Variants in GRIK3 observed in about 807,000 individuals in gnomAD.
GRIK3 encodes the protein glutamate ionotropic receptor kainate type subunit 3.
A neutral mutation model predicts 102.5 loss-of-function variants in GRIK3; 29 were observed. The ratio of observed to expected loss-of-function variants is 0.28; its 90% CI spans 0.21 to 0.39. The LOEUF is 0.39. Ranked by LOEUF, GRIK3 falls within the 10% of genes least tolerant of loss-of-function variation. The probability of loss-of-function intolerance (pLI) is 1.00; values close to 1 mark genes in which losing one functional copy is unlikely to be tolerated. For missense variants in GRIK3, 908 were observed against 1,252.4 expected (o/e 0.73, Z 4.15); for synonymous variants, 511 against 504.9 (o/e 1.01, Z -0.16).
intron 1 of GRIK3, among the ~76,000 whole-genome samples, chr1:36,953,819 G>A (rs1431963210): frequency 2.0e-5 from 3 of 152,108 alleles, no homozygotes; most frequent in East Asian, 1.9e-4. Context: ...CACTCGCTCC[G>A]CAGCAATCAA....
chr1:37,005,458 C>A (rs1177186612), intron 1 of GRIK3, among the ~76,000 whole-genome samples: 1 of 152,174 alleles, frequency 6.6e-6, no homozygotes, highest in Non-Finnish European at 1.5e-5. Flanking sequence ...GTAGCCAAGT[C>A]CAAAAGCAGA....
At chr1:36,967,777 T>C (rs548075749) in intron 1 of GRIK3, among the ~76,000 whole-genome samples, 6 of 152,346 alleles carry the variant, frequency 3.9e-5, no homozygotes, top group Admixed American at 6.5e-5. Context: ...TTAAACTCTC[T>C]AAGGCTCTGT....
intron 1 of GRIK3, among the ~76,000 whole-genome samples, chr1:36,899,184 A>C (rs919216979): frequency 8.5e-5 from 13 of 152,178 alleles, no homozygotes; most frequent in Non-Finnish European, 1.8e-4. Context: ...AATTGAGCTT[A>C]ATAAAAAATT....
intron 11 of GRIK3, among the ~76,000 whole-genome samples, chr1:36,824,148 C>T (rs1278177417): frequency 2.0e-5 from 3 of 152,112 alleles, no homozygotes; most frequent in Non-Finnish European, 4.4e-5. Flanking sequence ...AAGGAGGCTC[C>T]CACCTTCCGA....
At chr1:37,030,794 C>T (rs1044540097) in intron 1 of GRIK3, among the ~76,000 whole-genome samples, 2 of 152,058 alleles carry the variant, frequency 1.3e-5, no homozygotes, top group East Asian at 1.9e-4. Context: ...TAACAGTGCC[C>T]GCCAGCCTGC....
intron 1 of GRIK3, among the ~76,000 whole-genome samples, chr1:37,026,816 C>G (rs371742901): frequency 1.5e-3 from 233 of 152,072 alleles, no homozygotes; most frequent in African/African-American, 5.4e-3. Context: ...GCCATTCTTT[C>G]TTGGAGTGCC....
intron 1 of GRIK3, among the ~76,000 whole-genome samples, chr1:37,028,316 G>T (rs1217207519): frequency 2.0e-5 from 3 of 152,076 alleles, no homozygotes; most frequent in Non-Finnish European, 4.4e-5. Context: ...AGAACAGTGG[G>T]ATCCCTGTAG....
At chr1:36,835,855 A>G (rs907155281) in intron 10 of GRIK3, among the ~76,000 whole-genome samples, 6 of 151,664 alleles carry the variant, frequency 4.0e-5, no homozygotes, top group Non-Finnish European at 8.8e-5. Context: ...TGCTCACTGA[A>G]TTCTGGAGCT....
intron 1 of GRIK3, among the ~76,000 whole-genome samples, chr1:36,936,887 T>C (rs1641664739): frequency 6.6e-6 from 1 of 152,050 alleles, no homozygotes; most frequent in African/African-American, 2.4e-5. Flanking sequence ...TATAAGAGAA[T>C]TTAACTATCT....
intron 1 of GRIK3, among the ~76,000 whole-genome samples, chr1:36,975,926 A>C (rs1642191332): frequency 6.6e-6 from 1 of 152,224 alleles, no homozygotes; most frequent in Non-Finnish European, 1.5e-5. Context: ...CAAGTGCTAA[A>C]TTGAATGACA....
At chr1:36,936,729 T>C (rs1294205093) in intron 1 of GRIK3, among the ~76,000 whole-genome samples, 2 of 152,186 alleles carry the variant, frequency 1.3e-5, no homozygotes, top group Non-Finnish European at 2.9e-5. Context: ...ACTTTGTCTA[T>C]TCCATCCTCT....
chr1:36,860,708 A>G (rs1214033823), intron 5 of GRIK3, among the ~76,000 whole-genome samples: 1 of 152,146 alleles, frequency 6.6e-6, no homozygotes, highest in Non-Finnish European at 1.5e-5. Context: ...TGAAGGAAGG[A>G]GGCAGAGAGG....
chr1:36,942,768 C>A (rs1406246694), intron 1 of GRIK3, among the ~76,000 whole-genome samples: 1 of 152,126 alleles, frequency 6.6e-6, no homozygotes, highest in Non-Finnish European at 1.5e-5. Flanking sequence ...AGGGGCCAAA[C>A]CCCGCCCCCA....
chr1:36,818,608 G>A (rs531803965), intron 12 of GRIK3, among the ~76,000 whole-genome samples: 8 of 152,220 alleles, frequency 5.3e-5, no homozygotes, highest in Non-Finnish European at 7.3e-5. Flanking sequence ...GAGGTTTCTC[G>A]CATGTGGGAC....
At chr1:36,832,655 T>A (rs924957212) in intron 10 of GRIK3, among the ~76,000 whole-genome samples, 1 of 152,228 alleles carries the variant, frequency 6.6e-6, no homozygotes, top group Non-Finnish European at 1.5e-5. Flanking sequence ...GTACCCTTCC[T>A]GGGCCTGAGA....
At chr1:36,915,222 A>G (rs538448469) in intron 1 of GRIK3, among the ~76,000 whole-genome samples, 167 of 152,274 alleles carry the variant, frequency 1.1e-3, no homozygotes, top group Non-Finnish European at 1.9e-3. Flanking sequence ...AAAGTTCTTC[A>G]TGCAGCTTAA....
intron 5 of GRIK3, among the ~76,000 whole-genome samples, chr1:36,864,379 C>G (rs772292552): frequency 2.0e-5 from 3 of 152,228 alleles, no homozygotes; most frequent in African/African-American, 4.8e-5. Context: ...GCTCTGCCTA[C>G]AGGGGGCGCC....
intron 1 of GRIK3, among the ~76,000 whole-genome samples, chr1:36,986,416 G>GTCCATCCATCCA (rs34375905): frequency 0.021 from 2,752 of 130,728 alleles, 67 homozygotes; most frequent in East Asian, 0.1. Context: ...CCATCTCTCT[G>GTCCATCCATCCA]TCCATCCATC....
At chr1:36,804,451 C>A (rs1327334336) in intron 15 of GRIK3, among the ~76,000 whole-genome samples, 3 of 152,204 alleles carry the variant, frequency 2.0e-5, no homozygotes, top group Non-Finnish European at 4.4e-5. Context: ...TACTGCCCAA[C>A]CATGCTTGAA....
Sources: gnomAD v4.1 joint callset for allele counts (sites outside exome capture counted in the v4.1 genomes callset) on GRCh38, gnomAD v4.1.1 for gene constraint, MANE v1.5 for transcripts, NCBI Gene and HGNC (gene_info 2026-07-23, HGNC 2026-07-21) for gene names.